The following DENND4C variants were observed in gnomAD, a reference collection of about 807,000 sequenced individuals.
DENND4C encodes the protein DENN domain-containing protein 4C.
A neutral mutation model predicts 203.0 loss-of-function variants in DENND4C; 108 were observed. The ratio of observed to expected loss-of-function variants is 0.53; its 90% CI spans 0.46 to 0.62. The LOEUF is 0.62. Among genes scored for constraint, DENND4C ranks in the 20% least tolerant of loss-of-function variants. DENND4C has a pLI of 0.00. For synonymous variants in DENND4C, 871 were observed against 792.4 expected, an observed-to-expected ratio of 1.10 and a Z score of -1.67; for missense variants, 2,481 against 2,301.2, an observed-to-expected ratio of 1.08 and a Z score of -1.60.
chr9:19,359,017 A>G (rs1825932899), intron 28 of DENND4C, among the ~76,000 whole-genome samples: 1 of 151,832 alleles, frequency 6.6e-6, no homozygotes, highest in African/African-American at 2.4e-5. Context: ...TCATTCTGTC[A>G]TTTCTTCCTT....
chr9:19,245,524 T>C (rs1399624394), intron 1 of DENND4C, among the ~76,000 whole-genome samples: 1 of 148,590 alleles, frequency 6.7e-6, no homozygotes, highest in Non-Finnish European at 1.5e-5. Context: ...GGAGAACCAT[T>C]ACCCTAGACT....
intron 17 of DENND4C, among the ~76,000 whole-genome samples, chr9:19,334,760 A>T (rs1820064259): frequency 6.6e-6 from 1 of 152,118 alleles, no homozygotes; most frequent in South Asian, 2.1e-4. Context: ...TCCTGACCTC[A>T]GGTGATCCAC....
chr9:19,369,212 A>G (rs1222191676), intron 30 of DENND4C, among the ~76,000 whole-genome samples: 1 of 152,190 alleles, frequency 6.6e-6, no homozygotes, highest in East Asian at 1.9e-4. Flanking sequence ...ACTGCTAGAC[A>G]ACTCCTCTGT....
At chr9:19,354,629 A>C (rs1776983299) in intron 26 of DENND4C, among the ~76,000 whole-genome samples, 1 of 139,010 alleles carries the variant, frequency 7.2e-6, no homozygotes, top group South Asian at 2.2e-4. Context: ...ATCTTGGCCT[A>C]CAACGTCTGC....
intron 4 of DENND4C, among the ~76,000 whole-genome samples, chr9:19,289,539 A>G (rs1370177637): frequency 3.3e-5 from 5 of 152,136 alleles, no homozygotes; most frequent in Non-Finnish European, 7.4e-5. Context: ...TTAAAATCTG[A>G]TACTGTAGGC....
intron 1 of DENND4C, among the ~76,000 whole-genome samples, chr9:19,253,016 G>T (rs939788629): frequency 6.6e-6 from 1 of 152,190 alleles, no homozygotes; most frequent in Non-Finnish European, 1.5e-5. Flanking sequence ...GGGATTACAG[G>T]CGTGAGCCAG....
chr9:19,356,817 G>A (rs1825542476), intron 26 of DENND4C, among the ~76,000 whole-genome samples, 155 bp from the exon 27 acceptor site: 3 of 150,692 alleles, frequency 2.0e-5, no homozygotes, highest in African/African-American at 7.3e-5. Context: ...GAGAGAGAGA[G>A]TGAGAGTGTA....
At chr9:19,335,505 C>A (rs954850953) in intron 18 of DENND4C, among the ~76,000 whole-genome samples, 2 of 152,096 alleles carry the variant, frequency 1.3e-5, no homozygotes, top group Non-Finnish European at 2.9e-5. Context: ...TCCAGTGTCC[C>A]CTTTCCCCTT....
intron 1 of DENND4C, among the ~76,000 whole-genome samples, chr9:19,239,274 T>G (rs960175581): frequency 2.6e-5 from 4 of 152,164 alleles, no homozygotes; most frequent in African/African-American, 9.7e-5. Flanking sequence ...TAGCCACATC[T>G]CATAAATTGA....
At chr9:19,329,186 A>G (rs898907075) in intron 16 of DENND4C, among the ~76,000 whole-genome samples, 2 of 152,202 alleles carry the variant, frequency 1.3e-5, no homozygotes, top group Non-Finnish European at 2.9e-5. Context: ...CATCAACCCC[A>G]AAAGAAAGTT....
chr9:19,236,769 T>C (rs1433568435), intron 1 of DENND4C, among the ~76,000 whole-genome samples: 1 of 152,168 alleles, frequency 6.6e-6, no homozygotes, highest in African/African-American at 2.4e-5. Flanking sequence ...TTTAGCCTTA[T>C]CTTCTTGCCC....
chr9:19,262,342 C>T (rs1266390289), intron 1 of DENND4C, among the ~76,000 whole-genome samples: 1 of 151,974 alleles, frequency 6.6e-6, no homozygotes, highest in African/African-American at 2.4e-5. Context: ...CCCACCTCAG[C>T]CTCCCAGAGT....
intron 2 of DENND4C, among the ~76,000 whole-genome samples, chr9:19,282,715 C>CTCTCTT (rs758751945): frequency 8.1e-5 from 7 of 86,664 alleles, no homozygotes; most frequent in Non-Finnish European, 1.3e-4. Context: ...TTTCTTCTCT[C>CTCTCTT]TTTTTTTTTT....
In DENND4C at chr9:19,290,699, A is replaced by G. The variant is rs548790371; in HGVS notation, c.629-5A>G. ...AAAATTTATTGTTGTCTCATTCTTC[A>G]AAAGGTTTAATTTTTAGATATCCAG... On this transcript the variant is annotated splice_region_variant and splice_polypyrimidine_tract_variant and intron_variant, in intron 4 of 32. Coordinates refer to ENST00000434457, the MANE Select transcript of DENND4C (RefSeq NM_001330640.2). The G allele has an allele frequency of 7.1e-7, 1 of 1,418,308 alleles. No individual in the cohort carries two copies. The highest frequency in any genetic ancestry group is 2.4e-5 in the East Asian group (1 of 41,368). The allele number at this position is 1,418,308 out of a possible 1,614,324, so 87.9% of individuals were successfully genotyped here.
intron 1 of DENND4C, among the ~76,000 whole-genome samples, chr9:19,252,182 C>T (rs150673024): frequency 2.0e-5 from 3 of 152,238 alleles, no homozygotes; most frequent in Non-Finnish European, 4.4e-5. Context: ...GAGCAAGTCA[C>T]GTCTTATGTG....
At position 19,230,818 on chromosome 9, in the gene DENND4C, G is replaced by T. The variant is rs894833500; in HGVS notation, c.-33G>T. On this transcript the variant is annotated 5_prime_UTR_variant, in exon 1 of 33. Coordinates refer to ENST00000434457, the MANE Select transcript of DENND4C (RefSeq NM_001330640.2). ...AAGCCGTGTCGGGGCTGCGCTGACA[G>T]AGGAGCAGGCAGCAGGTGAGGCTGC... 5 of 152,538 alleles carry T rather than the reference G, an allele frequency of 3.3e-5. No homozygotes were observed. Among genetic ancestry groups the T allele is most frequent in the Non-Finnish European group, 5.9e-5 (4 of 68,284 alleles). The allele number at this position is 152,538 out of a possible 1,614,324, so 9.4% of individuals were successfully genotyped here.
chr9:19,339,004 A>G (rs1273884972), intron 20 of DENND4C, among the ~76,000 whole-genome samples: 1 of 152,236 alleles, frequency 6.6e-6, no homozygotes, highest in Admixed American at 6.5e-5. Context: ...CTTTTAAAAT[A>G]TTTGAAATAA....
chr9:19,274,203 T>C (rs961898395), intron 1 of DENND4C, among the ~76,000 whole-genome samples: 1 of 151,978 alleles, frequency 6.6e-6, no homozygotes, highest in East Asian at 1.9e-4. Context: ...TTCTAGAAAC[T>C]TATCTATAAT....
intron 12 of DENND4C, among the ~76,000 whole-genome samples, chr9:19,322,814 C>A (rs549008895): frequency 7.7e-6 from 1 of 130,222 alleles, no homozygotes; most frequent in East Asian, 1.9e-4. Flanking sequence ...GCACAAAAAA[C>A]CCAAAAAACC....
Sources: allele counts gnomAD v4.1 joint callset (sites outside exome capture counted in the v4.1 genomes callset), GRCh38; gene constraint gnomAD v4.1.1; transcripts MANE v1.5; gene names NCBI Gene and HGNC (gene_info 2026-07-23, HGNC 2026-07-21).